The following ZFPM2 variants were observed in gnomAD, a reference collection of about 807,000 sequenced individuals.
ZFPM2 encodes the protein zinc finger protein, FOG family member 2.
A neutral mutation model predicts 98.6 loss-of-function variants in ZFPM2; 20 were observed. The observed-to-expected ratio is 0.20, with a 90% CI of 0.14 to 0.29. ZFPM2 has a LOEUF of 0.29. Ranked by LOEUF, ZFPM2 falls within the 10% of genes least tolerant of loss-of-function variation. ZFPM2 has a pLI of 1.00. For synonymous variants in ZFPM2, 518 were observed against 502.7 expected, an observed-to-expected ratio of 1.03 and a Z score of -0.41; for missense variants, 1,310 against 1,388.6, an observed-to-expected ratio of 0.94 and a Z score of 0.90.
At chr8:105,657,732 G>A (rs757146894) in intron 5 of ZFPM2, among the ~76,000 whole-genome samples, 23 of 152,140 alleles carry the variant, frequency 1.5e-4, no homozygotes, top group Non-Finnish European at 2.1e-4. Context: ...GAAACTAAGA[G>A]TATATTTTGG....
chr8:105,526,293 T>C (rs1814172053), intron 3 of ZFPM2, among the ~76,000 whole-genome samples: 1 of 152,130 alleles, frequency 6.6e-6, no homozygotes, highest in African/African-American at 2.4e-5. Flanking sequence ...CTAGTTGAAC[T>C]TCCTGCATAT....
chr8:105,337,223 A>G (rs1474649646), intron 1 of ZFPM2, among the ~76,000 whole-genome samples: 1 of 151,754 alleles, frequency 6.6e-6, no homozygotes, highest in Non-Finnish European at 1.5e-5. Flanking sequence ...CAGGGACACC[A>G]TGTTAGCAAG....
At chr8:105,331,441 G>A (rs996085529) in intron 1 of ZFPM2, among the ~76,000 whole-genome samples, 1 of 151,572 alleles carries the variant, frequency 6.6e-6, no homozygotes, top group Admixed American at 6.6e-5. Context: ...GGAGGTTCCG[G>A]TATGGGATGT....
At chr8:105,441,443 A>AGGGAGG (rs1161179963) in intron 2 of ZFPM2, among the ~76,000 whole-genome samples, 2 of 82,572 alleles carry the variant, frequency 2.4e-5, no homozygotes, top group African/African-American at 1.6e-4. Context: ...AAAGAGAGAG[A>AGGGAGG]GAGAGAGAGA....
intron 4 of ZFPM2, among the ~76,000 whole-genome samples, chr8:105,607,772 C>G (rs1563740746): frequency 1.3e-5 from 2 of 152,184 alleles, no homozygotes; most frequent in South Asian, 4.1e-4. Flanking sequence ...CTTTAGATCC[C>G]AAACTCTAAA....
intron 6 of ZFPM2, among the ~76,000 whole-genome samples, chr8:105,793,976 G>T (rs779740409): frequency 1.3e-5 from 2 of 152,138 alleles, no homozygotes; most frequent in East Asian, 1.9e-4. Flanking sequence ...TTATACATTC[G>T]TCTAAATTTT....
In ZFPM2 at chr8:105,411,419, G is replaced by T. The variant is rs148280305; in HGVS notation, c.41-7725G>T. On this transcript the variant is annotated intron_variant, in intron 1 of 7. Transcript: ENST00000407775. ...GGGCCATCTTATCTTATACGTTGTT[G>T]TTATCTCAGTGCTTGTCACAGTGCC... Among the ~76,000 whole-genome samples the T allele has an allele frequency of 4.6e-5, 7 of 151,838 alleles. No individual in the cohort carries two copies. In the East Asian group the frequency reaches 1.2e-3, roughly 25 times the overall value.
chr8:105,590,964 G>T (rs1476002772), intron 4 of ZFPM2, among the ~76,000 whole-genome samples: 4 of 152,192 alleles, frequency 2.6e-5, no homozygotes, highest in Non-Finnish European at 5.9e-5. Flanking sequence ...GGATTAAAGG[G>T]CTAATGTAAG....
intron 5 of ZFPM2, among the ~76,000 whole-genome samples, chr8:105,649,014 G>A (rs369622472): frequency 5.9e-5 from 9 of 152,152 alleles, no homozygotes; most frequent in East Asian, 1.9e-4. Flanking sequence ...CCATGAGCAT[G>A]GAATGTTCTT....
At chr8:105,328,027 C>G (rs1812146556) in intron 1 of ZFPM2, among the ~76,000 whole-genome samples, 1 of 151,718 alleles carries the variant, frequency 6.6e-6, no homozygotes, top group Non-Finnish European at 1.5e-5. Context: ...CAGTGCGAAT[C>G]ATTTGGAATG....
intron 3 of ZFPM2, among the ~76,000 whole-genome samples, chr8:105,445,527 A>G (rs1319235160): frequency 1.3e-5 from 2 of 152,112 alleles, no homozygotes; most frequent in Non-Finnish European, 2.9e-5. Context: ...AAAGTAGGGA[A>G]AAGATTTTCG....
chr8:105,740,296 G>T (rs901062550), intron 5 of ZFPM2, among the ~76,000 whole-genome samples: 2 of 151,740 alleles, frequency 1.3e-5, no homozygotes, highest in Admixed American at 6.6e-5. Context: ...AAAATAATTG[G>T]TCAATATAAA....
At chr8:105,725,225 C>G (rs1811779828) in intron 5 of ZFPM2, among the ~76,000 whole-genome samples, 1 of 151,716 alleles carries the variant, frequency 6.6e-6, no homozygotes, top group South Asian at 2.1e-4. Context: ...ATCCAGTTAT[C>G]TTTGTGCATC....
chr8:105,585,554 C>T (rs186509984), intron 4 of ZFPM2, among the ~76,000 whole-genome samples: 2 of 152,118 alleles, frequency 1.3e-5, no homozygotes, highest in African/African-American at 4.8e-5. Context: ...TAAAGAAGTG[C>T]CAGACACAAT....
chr8:105,754,918 A>AT (rs1356216339), intron 5 of ZFPM2, among the ~76,000 whole-genome samples: 1 of 151,100 alleles, frequency 6.6e-6, no homozygotes, highest in African/African-American at 2.4e-5. Context: ...GCTTTCCCAC[A>AT]TTTTGTGACG....
At chr8:105,332,711 G>A (rs1487602057) in intron 1 of ZFPM2, among the ~76,000 whole-genome samples, 2 of 151,586 alleles carry the variant, frequency 1.3e-5, no homozygotes, top group African/African-American at 4.8e-5. Flanking sequence ...GTTCATAAGC[G>A]CGTCAGGTTA....
In ZFPM2 at chr8:105,330,583, T is replaced by TATATAC. The variant is rs1563606676; in HGVS notation, c.40+11607_40+11608insCATATA. 8.5e-4 allele frequency among the ~76,000 whole-genome samples: 36 copies of TATATAC among 42,268 alleles called. 2 individuals carry two copies. The highest frequency in any genetic ancestry group is 3.0e-3 in the African/African-American group (31 of 10,394). The allele number at this position is 42,268 out of a possible 152,430, so 27.7% of individuals were successfully genotyped here. On this transcript the variant is annotated intron_variant, in intron 1 of 7. Transcript: ENST00000407775. The stretch of plus-strand genomic sequence containing the variant: ...ATATATATATACATATATATATACA[T>TATATAC]ATATATATATACATATATATATATA...
chr8:105,384,267 G>A (rs1417021509), intron 1 of ZFPM2, among the ~76,000 whole-genome samples: 1 of 152,098 alleles, frequency 6.6e-6, no homozygotes, highest in Admixed American at 6.5e-5. Flanking sequence ...GCATACATGA[G>A]TTTGTGAAGA....
chr8:105,569,802 T>C lies in ZFPM2; in HGVS notation c.420+8321T>C, dbSNP rs150051218. On this transcript the variant is annotated intron_variant, in intron 4 of 7. Coordinates refer to ENST00000407775, the MANE Select transcript of ZFPM2 (RefSeq NM_012082.4). ...TCTCATCCAGCCTCACACGTTCCAG[T>C]GACAAACCATCTGGGAAATTCCATC... Among the ~76,000 whole-genome samples the C allele has an allele frequency of 2.8e-3, 419 of 152,236 alleles. 3 individuals carry two copies. Among genetic ancestry groups the C allele is most frequent in the African/African-American group, 9.6e-3 (400 of 41,558 alleles).
Sources: gnomAD v4.1 joint callset for allele counts (sites outside exome capture counted in the v4.1 genomes callset) on GRCh38, gnomAD v4.1.1 for gene constraint, MANE v1.5 for transcripts, NCBI Gene and HGNC (gene_info 2026-07-23, HGNC 2026-07-21) for gene names.